GOLGA5: variants seen among roughly 807,000 people sequenced by gnomAD.
GOLGA5 encodes golgin subfamily A member 5.
GOLGA5 carries 50 observed loss-of-function variants against 93.5 expected under a neutral mutation model. The ratio of observed to expected loss-of-function variants is 0.53; its 90% CI spans 0.43 to 0.68. The LOEUF (loss-of-function observed/expected upper bound fraction) is 0.68. Among genes scored for constraint, GOLGA5 ranks in the 30% least tolerant of loss-of-function variants. The pLI is 0.00. For synonymous variants in GOLGA5, 312 were observed against 304.5 expected, an observed-to-expected ratio of 1.02 and a Z score of -0.26; for missense variants, 760 against 856.4, an observed-to-expected ratio of 0.89 and a Z score of 1.40.
intron 2 of GOLGA5, 64 bp downstream of exon 2, chr14:92,798,045 C>A: frequency 9.5e-7 from 1 of 1,057,684 alleles, no homozygotes; most frequent in Non-Finnish European, 1.4e-6. Flanking sequence ...TCATATGATC[C>A]GATGGTGTTT....
At chr14:92,811,378 T>C (rs1885098321) in intron 5 of GOLGA5, among the ~76,000 whole-genome samples, 173 bp from the exon 6 acceptor site, 1 of 152,224 alleles carries the variant, frequency 6.6e-6, no homozygotes, top group Non-Finnish European at 1.5e-5. Context: ...GTTTGGGAGT[T>C]ACAACTTTAC....
At chr14:92,799,873 C>T (rs562260746) in intron 2 of GOLGA5, among the ~76,000 whole-genome samples, 3 of 152,166 alleles carry the variant, frequency 2.0e-5, no homozygotes, top group Non-Finnish European at 4.4e-5. Flanking sequence ...TCCCAAAGTG[C>T]TGAGATTACA....
At chr14:92,832,351 T>C (rs1051866544) in intron 9 of GOLGA5, among the ~76,000 whole-genome samples, 14 of 152,090 alleles carry the variant, frequency 9.2e-5, no homozygotes, top group Non-Finnish European at 1.9e-4. Context: ...GAAAGGCAGG[T>C]GGAGCCTAGA....
intron 6 of GOLGA5, among the ~76,000 whole-genome samples, chr14:92,813,194 C>A (rs1054517253): frequency 4.6e-5 from 7 of 152,112 alleles, no homozygotes; most frequent in African/African-American, 1.4e-4. Context: ...TTTCTAAGTA[C>A]TTTTTTGTAT....
Position 92,816,920 on chromosome 14 carries a change from CTTCCTTTCT to C in GOLGA5, c.1491+515_1491+523del, listed in dbSNP as rs537191685. Reference sequence around the variant, plus strand: ...TTCTTTCCTTTCTCTCCTTTCTTTCCTTCCTTTCTTTCCTTTCTTTCCTTCTTTTTTTTG... The same window carrying C: ...TTCTTTCCTTTCTCTCCTTTCTTTCCTTCCTTTCTTTCCTTCTTTTTTTTG... On this transcript the variant is annotated intron_variant, in intron 7 of 12. Transcript: ENST00000163416. Among the ~76,000 whole-genome samples, 876 of 150,390 alleles carry C rather than the reference CTTCCTTTCT, an allele frequency of 5.8e-3. 8 individuals carry two copies. Among genetic ancestry groups the C allele is most frequent in the Admixed American group, 8.2e-3 (123 of 15,004 alleles).
chr14:92,801,878 T>C (rs1884880966), intron 2 of GOLGA5, among the ~76,000 whole-genome samples: 1 of 152,188 alleles, frequency 6.6e-6, no homozygotes, highest in Non-Finnish European at 1.5e-5. Context: ...AATTCTGTTT[T>C]ATTGGTTTAT....
intron 2 of GOLGA5, among the ~76,000 whole-genome samples, chr14:92,803,148 A>G (rs1884909486): frequency 6.6e-6 from 1 of 151,966 alleles, no homozygotes; most frequent in African/African-American, 2.4e-5. Context: ...CAATCCTCCC[A>G]CCTCAGCCTC....
chr14:92,823,759 T>C (rs1885361831), intron 8 of GOLGA5, among the ~76,000 whole-genome samples: 1 of 152,146 alleles, frequency 6.6e-6, no homozygotes, highest in African/African-American at 2.4e-5. Flanking sequence ...CTAGAATAAC[T>C]TTACATAGTT....
intron 6 of GOLGA5, among the ~76,000 whole-genome samples, chr14:92,813,397 A>G (rs551082521): frequency 6.6e-6 from 1 of 152,336 alleles, no homozygotes; most frequent in East Asian, 1.9e-4. Context: ...AGAATCCCTT[A>G]AAACTTGCCT....
chr14:92,809,592 CTT>C (rs1281196353), intron 4 of GOLGA5, 73 bp downstream of exon 4: 14 of 886,048 alleles, frequency 1.6e-5, no homozygotes, highest in Middle Eastern at 6.7e-4. Flanking sequence ...ACTTATGAAA[CTT>C]AGCTTTCTTG....
intron 3 of GOLGA5, 104 bp from the exon 4 acceptor site, chr14:92,809,196 G>C: frequency 1.4e-6 from 1 of 714,180 alleles, no homozygotes; most frequent in Non-Finnish European, 2.4e-6. Context: ...TCCCAATTTT[G>C]TCAATAAGGA....
chr14:92,828,301 A>G (rs994616857), intron 9 of GOLGA5, among the ~76,000 whole-genome samples: 3 of 152,162 alleles, frequency 2.0e-5, no homozygotes, highest in Non-Finnish European at 2.9e-5. Context: ...CTCATTTACA[A>G]TTGTGGAAAT....
chr14:92,799,021 C>T (rs999953117), intron 2 of GOLGA5, among the ~76,000 whole-genome samples: 1 of 152,004 alleles, frequency 6.6e-6, no homozygotes, highest in Non-Finnish European at 1.5e-5. Context: ...GGCTTAAGTG[C>T]CGTGATGCTA....
rs1885072912 is a variant in GOLGA5 at position 92,810,104 on chromosome 14, G to A, written c.993-150G>A. On this transcript the variant is annotated intron_variant, in intron 4 of 12. Transcript: ENST00000163416. ...TTGGATGCCTAAAAATGTAGATTAT[G>A]TTCCATTAGAAAGGAAAGATTTATC... 5 of 563,426 alleles carry A rather than the reference G, an allele frequency of 8.9e-6. No individual in the cohort carries two copies. The South Asian group carries it at 1.2e-4, about 13-fold the overall frequency. 34.9% of individuals were successfully genotyped at this position (563,426 alleles called of 1,614,324 possible).
At chr14:92,821,909 A>C (rs998625340) in intron 8 of GOLGA5, among the ~76,000 whole-genome samples, 1 of 152,206 alleles carries the variant, frequency 6.6e-6, no homozygotes, top group African/African-American at 2.4e-5. Flanking sequence ...CTTGATGCTT[A>C]ATGAGATAAT....
intron 10 of GOLGA5, among the ~76,000 whole-genome samples, chr14:92,834,356 TC>T: frequency 7.5e-6 from 1 of 132,538 alleles, no homozygotes; most frequent in South Asian, 2.7e-4. Context: ...TCCTCCCCCC[TC>T]CCCCAGCCCC....
At chr14:92,821,289 GAA>G (rs1221023718) in intron 8 of GOLGA5, among the ~76,000 whole-genome samples, 1 of 151,712 alleles carries the variant, frequency 6.6e-6, no homozygotes, top group Non-Finnish European at 1.5e-5. Context: ...TTCTGCTTGA[GAA>G]AAAAGTCTTA....
intron 1 of GOLGA5, among the ~76,000 whole-genome samples, chr14:92,797,105 G>C (rs1020353217): frequency 6.6e-6 from 1 of 151,696 alleles, no homozygotes; most frequent in African/African-American, 2.4e-5. Context: ...AACAGTAGTG[G>C]TAGTTGTAAT....
intron 8 of GOLGA5, among the ~76,000 whole-genome samples, chr14:92,820,807 T>C (rs1426229499): frequency 6.6e-6 from 1 of 152,236 alleles, no homozygotes. Context: ...CCCTTAAACC[T>C]TGATTCCATA....
Sources: gnomAD v4.1 joint callset for allele counts (sites outside exome capture counted in the v4.1 genomes callset) on GRCh38, gnomAD v4.1.1 for gene constraint, MANE v1.5 for transcripts, NCBI Gene and HGNC (gene_info 2026-07-23, HGNC 2026-07-21) for gene names.